The following RIMBP2 variants were observed in gnomAD, a reference collection of about 807,000 sequenced individuals.
RIMBP2 encodes the protein RIMS binding protein 2, also known as RIMS-binding protein 2.
RIMBP2 carries 48 observed loss-of-function variants against 118.6 expected under a neutral mutation model. The ratio of observed to expected loss-of-function variants is 0.40; its 90% CI spans 0.32 to 0.51. RIMBP2 has a LOEUF of 0.51. Ranked by LOEUF, RIMBP2 falls within the 20% of genes least tolerant of loss-of-function variation. The pLI is 0.41. For synonymous variants in RIMBP2, 762 were observed against 742.9 expected (o/e 1.03, Z -0.42); for missense variants, 1,551 against 1,768.3 (o/e 0.88, Z 2.20).
At chr12:130,530,453 T>C (rs2053249235) in intron 2 of RIMBP2, among the ~76,000 whole-genome samples, 1 of 151,616 alleles carries the variant, frequency 6.6e-6, no homozygotes, top group Non-Finnish European at 1.5e-5. Flanking sequence ...ACTAAAAATA[T>C]TTATACAATA....
chr12:130,692,193 C>T (rs1414043590), intron 1 of RIMBP2, among the ~76,000 whole-genome samples: 1 of 152,096 alleles, frequency 6.6e-6, no homozygotes, highest in Non-Finnish European at 1.5e-5. Flanking sequence ...TCAGCATTCT[C>T]GGGACAGAAG....
rs190559756 is a variant in RIMBP2 at position 130,476,699 on chromosome 12, C to T, written c.102+2213G>A. Among the ~76,000 whole-genome samples, 23 of 152,310 alleles carry T rather than the reference C, an allele frequency of 1.5e-4. No homozygotes were observed. The East Asian group carries it at 4.2e-3, about 28-fold the overall frequency. ...TCACCTGTATCTAAAGTCACGGCCC[C>T]GTCAATCCGCCACTCAAGCCTCTCA... is the stretch of plus-strand genomic sequence containing the variant. On this transcript the variant is annotated intron_variant, in intron 5 of 22. Coordinates refer to ENST00000690449, the MANE Select transcript of RIMBP2 (RefSeq NM_001393629.1).
chr12:130,407,797 C>T lies in RIMBP2; in HGVS notation c.3622G>A (p.Val1208Ile), dbSNP rs1420927788. Residue 1208 changes from valine (V) to isoleucine (I), a missense_variant, in exon 20 of 23, where the codon GTA becomes ATA. This residue lies in a region of RIMBP2 where 1,038 missense variants were observed against 1,125.1 expected (regional missense o/e 0.92). Coordinates refer to ENST00000690449, the MANE Select transcript of RIMBP2 (RefSeq NM_001393629.1). ...RSRRSGRRHSVSTRRMVALYD... is the reference protein window; with the variant it reads ...RSRRSGRRHSISTRRMVALYD... ...AGGGCCACCATTCTCCGCGTCGATA[C>T]CGAATGACGCCTGCCACTTCTCCTG... 2.5e-6 allele frequency: 4 copies of T among 1,613,812 alleles called. No homozygotes were observed. The highest frequency in any genetic ancestry group is 3.3e-5 in the Admixed American group (2 of 60,014).
At chr12:130,596,957 G>T (rs2059597963) in intron 2 of RIMBP2, among the ~76,000 whole-genome samples, 1 of 152,184 alleles carries the variant, frequency 6.6e-6, no homozygotes, top group Admixed American at 6.5e-5. Context: ...TATAGTTAAA[G>T]CCTTCATACA....
intron 5 of RIMBP2, among the ~76,000 whole-genome samples, chr12:130,476,562 C>G (rs114049184): frequency 6.6e-6 from 1 of 152,222 alleles, no homozygotes; most frequent in African/African-American, 2.4e-5. Flanking sequence ...TCTTCCTCTT[C>G]CCTGGATGCG....
intron 1 of RIMBP2, among the ~76,000 whole-genome samples, chr12:130,698,064 G>GA (rs2065658903): frequency 6.6e-6 from 1 of 152,198 alleles, no homozygotes; most frequent in Non-Finnish European, 1.5e-5. Flanking sequence ...AGAAAGTTGA[G>GA]AGCTGTGCTG....
At chr12:130,536,068 C>T (rs985014458) in intron 2 of RIMBP2, among the ~76,000 whole-genome samples, 8 of 152,010 alleles carry the variant, frequency 5.3e-5, no homozygotes, top group Non-Finnish European at 8.8e-5. Flanking sequence ...GCATTACAGG[C>T]GTGAGCCATC....
chr12:130,476,500 G>A (rs2081441521), intron 5 of RIMBP2, among the ~76,000 whole-genome samples: 1 of 152,100 alleles, frequency 6.6e-6, no homozygotes, highest in African/African-American at 2.4e-5. Context: ...TGTGCCTCAG[G>A]CCCAAATTCA....
rs2137066687 is a variant in RIMBP2 at position 130,438,362 on chromosome 12, C to T, written c.1656+3G>A. 2.7e-6 allele frequency: 2 copies of T among 749,156 alleles called. No individual in the cohort carries two copies. The highest frequency in any genetic ancestry group is 2.8e-4 in the Middle Eastern group (1 of 3,528). 46.4% of individuals were successfully genotyped at this position (749,156 alleles called of 1,614,324 possible). On this transcript the variant is annotated splice_donor_region_variant and intron_variant, in intron 12 of 22. Coordinates refer to ENST00000690449, the MANE Select transcript of RIMBP2 (RefSeq NM_001393629.1). ...CCTCCCCACCCACCCAACGAAAACT[C>T]ACCCTCTGCCCTTTGGCATACACGC...
At chr12:130,624,851 A>G (rs1028802670) in intron 2 of RIMBP2, among the ~76,000 whole-genome samples, 2 of 152,022 alleles carry the variant, frequency 1.3e-5, no homozygotes, top group African/African-American at 4.8e-5. Flanking sequence ...CAGCCTCCCA[A>G]GTAGTTGGGA....
At chr12:130,663,124 C>T (rs1038083886) in intron 1 of RIMBP2, among the ~76,000 whole-genome samples, 3 of 152,138 alleles carry the variant, frequency 2.0e-5, no homozygotes, top group African/African-American at 7.2e-5. Flanking sequence ...CAGGAGGGGC[C>T]GGCTGGGTTA....
intron 2 of RIMBP2, among the ~76,000 whole-genome samples, chr12:130,560,458 A>T (rs1401808843): frequency 2.6e-5 from 4 of 151,094 alleles, no homozygotes; most frequent in African/African-American, 9.8e-5. Flanking sequence ...ATGCCACTAG[A>T]CCCCCCACCG....
intron 2 of RIMBP2, among the ~76,000 whole-genome samples, chr12:130,626,960 C>T (rs1056725833): frequency 3.3e-5 from 5 of 152,056 alleles, no homozygotes; most frequent in Non-Finnish European, 1.5e-5. Flanking sequence ...ATCACCACGA[C>T]TACCGCCAGC....
At chr12:130,711,158 G>A (rs770571402) in intron 1 of RIMBP2, among the ~76,000 whole-genome samples, 44 of 152,256 alleles carry the variant, frequency 2.9e-4, no homozygotes, top group Admixed American at 7.8e-4. Flanking sequence ...CAGGAGAATC[G>A]CTTGAGCCCA....
chr12:130,671,992 C>T (rs780999059), intron 1 of RIMBP2, among the ~76,000 whole-genome samples: 2 of 152,108 alleles, frequency 1.3e-5, no homozygotes, highest in Non-Finnish European at 2.9e-5. Flanking sequence ...AGCATATTTG[C>T]GTACGTGTTC....
At chr12:130,481,934 GCCACCACCACCACCACCCACCGC>G (rs1566118104) in intron 4 of RIMBP2, among the ~76,000 whole-genome samples, 1 of 145,888 alleles carries the variant, frequency 6.9e-6, no homozygotes, top group African/African-American at 2.7e-5. Flanking sequence ...CCCCCAAGCC[GCCACCACCACCACCACCCACCGC>G]CCACCACCAG....
chr12:130,635,333 TC>T (rs2062288456), intron 1 of RIMBP2, among the ~76,000 whole-genome samples: 1 of 152,182 alleles, frequency 6.6e-6, no homozygotes, highest in Admixed American at 6.5e-5. Flanking sequence ...CAGGAGAGCA[TC>T]CGGCCAAAGG....
chr12:130,696,495 T>A (rs1054296227), intron 1 of RIMBP2, among the ~76,000 whole-genome samples: 1 of 152,222 alleles, frequency 6.6e-6, no homozygotes, highest in Admixed American at 6.5e-5. Context: ...TCATCAGCCT[T>A]AAATGTAAAG....
intron 2 of RIMBP2, among the ~76,000 whole-genome samples, chr12:130,522,130 G>A (rs1349017439): frequency 3.9e-5 from 6 of 152,186 alleles, no homozygotes; most frequent in Non-Finnish European, 7.4e-5. Context: ...GCTACAGAAC[G>A]TGCCAGTTAA....
Sources: allele counts gnomAD v4.1 joint callset (sites outside exome capture counted in the v4.1 genomes callset), GRCh38; gene constraint gnomAD v4.1.1; regional missense constraint gnomAD v4.1.1; transcripts MANE v1.5; gene names NCBI Gene and HGNC (gene_info 2026-07-23, HGNC 2026-07-21).